The following MEIS2 variants were observed in gnomAD, a reference collection of about 807,000 sequenced individuals.
MEIS2 encodes the protein Meis homeobox 2.
A neutral mutation model predicts 58.6 loss-of-function variants in MEIS2; 9 were observed. The observed-to-expected ratio is 0.15, with a 90% CI of 0.09 to 0.27. The LOEUF is 0.27. Among genes scored for constraint, MEIS2 ranks in the 10% least tolerant of loss-of-function variants. MEIS2 has a pLI of 1.00. For missense variants in MEIS2, 427 were observed against 635.0 expected (o/e 0.67, Z 3.52); for synonymous variants, 221 against 228.4 (o/e 0.97, Z 0.29).
At chr15:37,051,497 A>C (rs528090151) in intron 7 of MEIS2, among the ~76,000 whole-genome samples, 1 of 152,316 alleles carries the variant, frequency 6.6e-6, no homozygotes. Context: ...GTGTAAGGAA[A>C]TTTTGGCGTA....
At chr15:36,971,417 T>C (rs2059553007) in intron 8 of MEIS2, among the ~76,000 whole-genome samples, 2 of 151,522 alleles carry the variant, frequency 1.3e-5, no homozygotes, top group Non-Finnish European at 2.9e-5. Flanking sequence ...ATTGCCTATA[T>C]GCCAAAGCTC....
intron 8 of MEIS2, among the ~76,000 whole-genome samples, chr15:37,011,535 T>C (rs2061154383): frequency 6.6e-6 from 1 of 151,456 alleles, no homozygotes; most frequent in African/African-American, 2.4e-5. Context: ...GCGTTGTCAG[T>C]AGCTGCATTT....
intron 8 of MEIS2, among the ~76,000 whole-genome samples, chr15:36,971,542 A>AAAAAAAAAAAAAAAAAAAG (rs2059566740): frequency 1.7e-5 from 2 of 114,468 alleles, no homozygotes; most frequent in African/African-American, 6.3e-5. Flanking sequence ...TACATTAAAA[A>AAAAAAAAAAAAAAAAAAAG]AAAAAAAAAA....
At chr15:37,075,940 A>G (rs1891347727) in intron 7 of MEIS2, among the ~76,000 whole-genome samples, 1 of 151,912 alleles carries the variant, frequency 6.6e-6, no homozygotes, top group Admixed American at 6.6e-5. Context: ...AGCTGAGGAA[A>G]CTTATTGCTG....
intron 8 of MEIS2, among the ~76,000 whole-genome samples, chr15:36,983,256 T>C (rs2141517345): frequency 6.6e-6 from 1 of 152,284 alleles, no homozygotes; most frequent in Middle Eastern, 3.4e-3. Flanking sequence ...CCCTATCTTT[T>C]CTTCTAGTAG....
At chr15:36,921,034 T>C (rs985099326) in intron 9 of MEIS2, among the ~76,000 whole-genome samples, 2 of 152,232 alleles carry the variant, frequency 1.3e-5, no homozygotes, top group Admixed American at 6.5e-5. Context: ...TTGTTCATTT[T>C]TAACCTCGAA....
intron 8 of MEIS2, among the ~76,000 whole-genome samples, chr15:36,984,340 C>G (rs895156302): frequency 2.6e-5 from 4 of 151,904 alleles, no homozygotes; most frequent in Admixed American, 2.0e-4. Flanking sequence ...TCTTTATCTA[C>G]TGAGATGATC....
At position 37,053,938 on chromosome 15, in the gene MEIS2, T is replaced by C. The variant is rs574334719; in HGVS notation, c.755-16979A>G. 4.6e-5 allele frequency among the ~76,000 whole-genome samples: 7 copies of C among 152,298 alleles called. No individual in the cohort carries two copies. The South Asian group carries it at 1.4e-3, about 32-fold the overall frequency. Reference sequence around the variant, plus strand: ...ATTTTTCAGCTGTCAAATAATTCTTTTCAATTATTGATTACCACAACCAAG... The same window carrying C: ...ATTTTTCAGCTGTCAAATAATTCTTCTCAATTATTGATTACCACAACCAAG... On this transcript the variant is annotated intron_variant, in intron 7 of 11. Transcript: ENST00000561208.
intron 8 of MEIS2, among the ~76,000 whole-genome samples, chr15:37,008,213 T>C (rs2060992684): frequency 6.6e-6 from 1 of 152,248 alleles, no homozygotes; most frequent in African/African-American, 2.4e-5. Context: ...ATAGTTATAT[T>C]CGCTCTAGGA....
chr15:36,922,905 C>T (rs1278160816), intron 9 of MEIS2, among the ~76,000 whole-genome samples: 2 of 151,960 alleles, frequency 1.3e-5, no homozygotes, highest in African/African-American at 4.8e-5. Context: ...CATGAGCCAC[C>T]GCTCCCGGCC....
rs574673078 is a variant in MEIS2 at position 36,968,266 on chromosome 15, C to T, written c.901-17866G>A. On this transcript the variant is annotated intron_variant, in intron 8 of 11. Coordinates refer to ENST00000561208, the MANE Select transcript of MEIS2 (RefSeq NM_170675.5). ...TCTCTGTGCTTCTAAAAAAATCATA[C>T]GGAGAAAATTTTCTTTAGATGCTGG... Among the ~76,000 whole-genome samples, 24 of 152,222 alleles carry T rather than the reference C, an allele frequency of 1.6e-4. No homozygotes were observed. In the South Asian group the frequency reaches 1.9e-3, roughly 12 times the overall value.
chr15:36,993,050 G>A (rs1274500465), intron 8 of MEIS2, among the ~76,000 whole-genome samples: 4 of 152,034 alleles, frequency 2.6e-5, no homozygotes, highest in Admixed American at 2.0e-4. Flanking sequence ...CTGTAGCTGA[G>A]GATTGTTACA....
intron 8 of MEIS2, among the ~76,000 whole-genome samples, chr15:37,014,199 T>C (rs903888134): frequency 6.6e-6 from 1 of 152,190 alleles, no homozygotes; most frequent in Non-Finnish European, 1.5e-5. Context: ...ATGTGAAGCG[T>C]AGACCCAGTT....
chr15:37,003,907 G>A (rs954318610), intron 8 of MEIS2, among the ~76,000 whole-genome samples: 6 of 152,164 alleles, frequency 3.9e-5, no homozygotes, highest in African/African-American at 1.2e-4. Context: ...GAAGTAAGCC[G>A]TCACCAGACA....
intron 8 of MEIS2, among the ~76,000 whole-genome samples, chr15:36,959,824 G>A (rs534999846): frequency 4.6e-5 from 7 of 152,232 alleles, no homozygotes; most frequent in African/African-American, 1.4e-4. Flanking sequence ...AATAGGCTAA[G>A]GGATTGCTTT....
chr15:37,038,041 T>C lies in MEIS2; in HGVS notation c.755-1082A>G, dbSNP rs545055455. ...AGAGGAAAACAGAGAAGTGGAGAGTTTATGCTCCCTGCTGGTGTTTAAGAA... is the reference window on the plus strand; with the variant it reads ...AGAGGAAAACAGAGAAGTGGAGAGTCTATGCTCCCTGCTGGTGTTTAAGAA... On this transcript the variant is annotated intron_variant, in intron 7 of 11. Transcript: ENST00000561208. Among the ~76,000 whole-genome samples the C allele has an allele frequency of 3.9e-5, 6 of 152,292 alleles. No homozygotes were observed. The East Asian group carries it at 1.2e-3, about 29-fold the overall frequency.
At chr15:36,909,467 C>G (rs1489219152) in intron 9 of MEIS2, among the ~76,000 whole-genome samples, 2 of 152,082 alleles carry the variant, frequency 1.3e-5, no homozygotes, top group African/African-American at 4.8e-5. Context: ...TAAAAGAGCC[C>G]TGAGTTTAAG....
chr15:36,915,558 C>T (rs1405097544), intron 9 of MEIS2, among the ~76,000 whole-genome samples: 1 of 152,190 alleles, frequency 6.6e-6, no homozygotes, highest in African/African-American at 2.4e-5. Flanking sequence ...TCACAGTTGC[C>T]TTGCCCTGCC....
intron 8 of MEIS2, among the ~76,000 whole-genome samples, chr15:36,976,139 C>T (rs1437120196): frequency 6.6e-6 from 1 of 152,044 alleles, no homozygotes; most frequent in African/African-American, 2.4e-5. Flanking sequence ...GGCTGGAGTG[C>T]AGTGGCGCGA....
Sources: gnomAD v4.1 joint callset for allele counts (sites outside exome capture counted in the v4.1 genomes callset) on GRCh38, gnomAD v4.1.1 for gene constraint, MANE v1.5 for transcripts, NCBI Gene and HGNC (gene_info 2026-07-23, HGNC 2026-07-21) for gene names.